HGF: variants seen among roughly 807,000 people sequenced by gnomAD.
The protein encoded by HGF is hepatocyte growth factor.
HGF carries 39 observed loss-of-function variants against 111.6 expected under a neutral mutation model. That is an observed-to-expected ratio of 0.35 (90% CI 0.27 to 0.46). The LOEUF is 0.46. Among genes scored for constraint, HGF ranks in the 20% least tolerant of loss-of-function variants. The pLI, the probability that HGF is intolerant of heterozygous loss-of-function variation, is 1.00. For synonymous variants in HGF, 285 were observed against 294.8 expected (o/e 0.97, Z 0.34); for missense variants, 735 against 910.5 (o/e 0.81, Z 2.48).
At chr7:81,724,675 ATGCATGCATG>A (rs1244301446) in intron 9 of HGF, among the ~76,000 whole-genome samples, 3 of 152,088 alleles carry the variant, frequency 2.0e-5, no homozygotes, top group Non-Finnish European at 2.9e-5. Context: ...TTGCATGCAT[ATGCATGCATG>A]TTTCTTTATG....
chr7:81,723,272 G>C lies in HGF; in HGVS notation c.1169-2425C>G, dbSNP rs573047939. ...GGAATGGCATGGAAGCAAGAGAAGA[G>C]GACACTTCTCTGAATTTACCCTTTC... On this transcript the variant is annotated intron_variant, in intron 9 of 17. Coordinates refer to ENST00000222390, the MANE Select transcript of HGF (RefSeq NM_000601.6). Among the ~76,000 whole-genome samples, 145 of 152,100 alleles carry C rather than the reference G, an allele frequency of 9.5e-4. 2 individuals carry two copies. The Middle Eastern group carries it at 0.01, about 11-fold the overall frequency.
In HGF at chr7:81,720,739, A is replaced by G; in HGVS notation, c.1271+6T>C. 1 of 1,544,622 alleles carries G rather than the reference A, an allele frequency of 6.5e-7. No homozygotes were observed. Among genetic ancestry groups the G allele is most frequent in the African/African-American group, 1.4e-5 (1 of 73,572 alleles). On this transcript the variant is annotated splice_donor_region_variant and intron_variant, in intron 10 of 17. Transcript: ENST00000222390. The stretch of plus-strand genomic sequence containing the variant: ...TCTATATATTGAAAGGAAGAAATTT[A>G]CACACCGATGTAAGTCTTCCATGTT...
At chr7:81,726,895 G>A (rs1790026576) in intron 8 of HGF, among the ~76,000 whole-genome samples, 1 of 151,710 alleles carries the variant, frequency 6.6e-6, no homozygotes, top group Non-Finnish European at 1.5e-5. Context: ...AAATAAGTAG[G>A]TGCTTTCATT....
At chr7:81,718,426 A>G (rs962274649) in intron 10 of HGF, among the ~76,000 whole-genome samples, 8 of 152,060 alleles carry the variant, frequency 5.3e-5, no homozygotes, top group Non-Finnish European at 1.2e-4. Flanking sequence ...ATGACTTGCA[A>G]ACACTAGAGC....
rs5745624 is a variant in HGF at position 81,763,729 on chromosome 7, G to A, written c.89-857C>T. Among the ~76,000 whole-genome samples, 923 of 152,256 alleles carry A rather than the reference G, an allele frequency of 6.1e-3. 10 individuals are homozygous for A. The highest frequency in any genetic ancestry group is 0.046 in the South Asian group (223 of 4,824). ...TAGTGATCAGCATCTTCACAATGCA[G>A]ATCAAAATGTTTAATAGAGTGCAGC... On this transcript the variant is annotated intron_variant, in intron 1 of 17. Transcript: ENST00000222390.
intron 2 of HGF, among the ~76,000 whole-genome samples, chr7:81,760,680 CGTGTGTGTGTGTGT>C (rs55865050): frequency 9.3e-5 from 13 of 139,568 alleles, no homozygotes; most frequent in Non-Finnish European, 1.6e-4. Context: ...TATGTGCGTG[CGTGTGTGTGTGTGT>C]GTGTGTGTGT....
intron 8 of HGF, among the ~76,000 whole-genome samples, chr7:81,729,399 C>T (rs1400813326): frequency 6.6e-6 from 1 of 152,110 alleles, no homozygotes; most frequent in Non-Finnish European, 1.5e-5. Context: ...CACCTAGGGT[C>T]CTTAATGAAA....
At chr7:81,702,822 CAT>C (rs2115743833) in intron 17 of HGF, 65 bp from the exon 18 acceptor site, 1 of 1,322,722 alleles carries the variant, frequency 7.6e-7, no homozygotes, top group East Asian at 2.4e-5. Flanking sequence ...TTAACATAAT[CAT>C]ATATAGATTT....
At chr7:81,705,867 T>A (rs1375202986) in intron 15 of HGF, 114 bp from the exon 16 acceptor site, 3 of 593,184 alleles carry the variant, frequency 5.1e-6, no homozygotes, top group Admixed American at 3.7e-5. Context: ...AAGTCCTGTT[T>A]CTTAAAAAAA....
intron 7 of HGF, among the ~76,000 whole-genome samples, chr7:81,734,334 T>C (rs1787757128): frequency 6.6e-6 from 1 of 152,180 alleles, no homozygotes; most frequent in Non-Finnish European, 1.5e-5. Context: ...AAGGAATGCT[T>C]TCTTTTGATG....
intron 5 of HGF, among the ~76,000 whole-genome samples, chr7:81,747,859 G>T (rs920397965): frequency 1.3e-5 from 2 of 152,086 alleles, no homozygotes; most frequent in African/African-American, 4.8e-5. Context: ...CTTGAACCCA[G>T]GAGGTGGAGG....
chr7:81,762,232 A>G (rs1789122045), intron 2 of HGF, among the ~76,000 whole-genome samples: 1 of 152,184 alleles, frequency 6.6e-6, no homozygotes, highest in Non-Finnish European at 1.5e-5. Flanking sequence ...CTCTGCTGAC[A>G]CCAGTCTCTC....
intron 12 of HGF, among the ~76,000 whole-genome samples, chr7:81,711,157 A>C (rs1789560681): frequency 6.6e-6 from 1 of 152,314 alleles, no homozygotes; most frequent in African/African-American, 2.4e-5. Context: ...TAATTTTATT[A>C]AATCATGGTA....
chr7:81,759,982 T>A (rs1298662607), intron 2 of HGF, among the ~76,000 whole-genome samples: 1 of 152,190 alleles, frequency 6.6e-6, no homozygotes, highest in Non-Finnish European at 1.5e-5. Context: ...AGTGATTCCA[T>A]CTGTAAAGTG....
intron 5 of HGF, chr7:81,750,926 A>T: frequency 1.1e-6 from 1 of 900,040 alleles, no homozygotes; most frequent in Non-Finnish European, 1.3e-6. Context: ...TATTATTTTT[A>T]AAAGAAAAGA....
intron 7 of HGF, among the ~76,000 whole-genome samples, chr7:81,731,800 C>T (rs1787666065): frequency 6.6e-6 from 1 of 151,968 alleles, no homozygotes; most frequent in Non-Finnish European, 1.5e-5. Flanking sequence ...GGAAAGGAGA[C>T]AAAAATAAAT....
At chr7:81,706,172 A>C in intron 15 of HGF, 115 bp downstream of exon 15, 1 of 885,002 alleles carries the variant, frequency 1.1e-6, no homozygotes, top group Admixed American at 1.8e-5. Flanking sequence ...TACAGCATGT[A>C]ACATATGTTT....
At chr7:81,722,415 T>A (rs1789887587) in intron 9 of HGF, among the ~76,000 whole-genome samples, 1 of 151,670 alleles carries the variant, frequency 6.6e-6, no homozygotes. Context: ...TCCGCCCGCC[T>A]CGGACTTCCA....
At chr7:81,764,090 G>A (rs191834542) in intron 1 of HGF, among the ~76,000 whole-genome samples, 44 of 152,186 alleles carry the variant, frequency 2.9e-4, no homozygotes, top group Middle Eastern at 6.8e-3. Context: ...TTCCTGATCT[G>A]AATCTGTGTT....
Sources: allele counts gnomAD v4.1 joint callset (sites outside exome capture counted in the v4.1 genomes callset), GRCh38; gene constraint gnomAD v4.1.1; transcripts MANE v1.5; gene names NCBI Gene and HGNC (gene_info 2026-07-23, HGNC 2026-07-21).